The following PBLD variants were observed in gnomAD, a reference collection of about 807,000 sequenced individuals.
PBLD encodes the protein phenazine biosynthesis like protein domain containing.
PBLD carries 26 observed loss-of-function variants against 31.3 expected under a neutral mutation model. The observed-to-expected ratio is 0.83, with a 90% CI of 0.61 to 1.15. The LOEUF (loss-of-function observed/expected upper bound fraction) is 1.15, where lower values mean the gene tolerates loss of function less well. Ranked by LOEUF, PBLD falls within the 50% of genes most tolerant of loss-of-function variation. The pLI is 0.00. For synonymous variants in PBLD, 114 were observed against 129.0 expected, an observed-to-expected ratio of 0.88 and a Z score of 0.79; for missense variants, 307 against 351.7, an observed-to-expected ratio of 0.87 and a Z score of 1.02.
At chr10:68,297,091 TAC>T (rs1447601344) in intron 2 of PBLD, 106 bp from the exon 3 acceptor site, 2 of 866,720 alleles carry the variant, frequency 2.3e-6, no homozygotes, top group Admixed American at 4.3e-5. Flanking sequence ...TAATAAGAGT[TAC>T]ACGCTTAAAA....
At chr10:68,306,924 A>G in intron 1 of PBLD, 21 bp from the exon 2 acceptor site, 1 of 1,149,608 alleles carries the variant, frequency 8.7e-7, no homozygotes, top group Non-Finnish European at 1.3e-6. Context: ...AAGGAAATCA[A>G]AAAGTTAATG....
chr10:68,328,325 A>C (rs926585535), intron 1 of PBLD, among the ~76,000 whole-genome samples: 4 of 152,182 alleles, frequency 2.6e-5, no homozygotes, highest in African/African-American at 9.7e-5. Context: ...ATATGTGAAC[A>C]AATATCTTAA....
At chr10:68,332,604 A>AG (rs1178597262) in intron 1 of PBLD, among the ~76,000 whole-genome samples, 180 bp downstream of exon 1, 2 of 151,616 alleles carry the variant, frequency 1.3e-5, no homozygotes, top group Non-Finnish European at 2.9e-5. Flanking sequence ...AGGCCAGGGG[A>AG]GGGGGTGGTC....
At chr10:68,290,096 G>A (rs1448552754) in intron 6 of PBLD, among the ~76,000 whole-genome samples, 8 of 152,144 alleles carry the variant, frequency 5.3e-5, no homozygotes, top group African/African-American at 1.9e-4. Context: ...GGGATTATGA[G>A]GAGACAACCC....
At chr10:68,313,427 T>C (rs1318004076) in intron 1 of PBLD, among the ~76,000 whole-genome samples, 1 of 152,226 alleles carries the variant, frequency 6.6e-6, no homozygotes, top group African/African-American at 2.4e-5. Flanking sequence ...TATAGATCTA[T>C]TCAAATACGA....
intron 1 of PBLD, chr10:68,331,278 A>G (rs1345287704): frequency 6.6e-6 from 1 of 152,234 alleles, no homozygotes; most frequent in Non-Finnish European, 1.5e-5. Flanking sequence ...TCAACAACGC[A>G]AAACTATAAA....
chr10:68,298,069 C>T (rs2044454921), intron 2 of PBLD, among the ~76,000 whole-genome samples: 2 of 150,172 alleles, frequency 1.3e-5, no homozygotes, highest in African/African-American at 4.9e-5. Flanking sequence ...AGTTCAAGAC[C>T]ACCCCCCAGT....
At chr10:68,322,266 T>A (rs2044846161) in intron 1 of PBLD, among the ~76,000 whole-genome samples, 1 of 152,030 alleles carries the variant, frequency 6.6e-6, no homozygotes, top group Non-Finnish European at 1.5e-5. Flanking sequence ...GGAGACATGA[T>A]GACTAATGTA....
At chr10:68,326,000 C>A (rs2044913322) in intron 1 of PBLD, among the ~76,000 whole-genome samples, 1 of 151,714 alleles carries the variant, frequency 6.6e-6, no homozygotes, top group South Asian at 2.1e-4. Flanking sequence ...GGGACAGGTT[C>A]ACTTTATGTA....
chr10:68,312,974 G>A (rs1028068273), intron 1 of PBLD, among the ~76,000 whole-genome samples: 1 of 151,948 alleles, frequency 6.6e-6, no homozygotes, highest in African/African-American at 2.4e-5. Flanking sequence ...GTGGTGGTGC[G>A]ATCAATCACA....
At chr10:68,307,187 G>A (rs1156638576) in intron 1 of PBLD, among the ~76,000 whole-genome samples, 2 of 151,810 alleles carry the variant, frequency 1.3e-5, no homozygotes, top group Admixed American at 6.6e-5. Context: ...CTGCCACCAC[G>A]CCTGGCTAAT....
intron 6 of PBLD, among the ~76,000 whole-genome samples, chr10:68,289,863 A>T (rs903703506): frequency 4.6e-5 from 7 of 152,002 alleles, no homozygotes; most frequent in African/African-American, 1.2e-4. Flanking sequence ...CACGGCAAGC[A>T]CTCAGGGCTA....
In PBLD at chr10:68,284,217, C is replaced by T. The variant is rs2044259494; in HGVS notation, c.827G>A (p.Gly276Glu). 1 of 1,614,134 alleles carries T rather than the reference C, an allele frequency of 6.2e-7. No homozygotes were observed. Among genetic ancestry groups the T allele is most frequent in the Non-Finnish European group, 8.5e-7 (1 of 1,180,008 alleles). The stretch of plus-strand genomic sequence containing the variant: ...GCCCTCTAAAACAACAGCTGCACCT[C>T]CTCTAATGTCAACCCTTCCGTCTGG... Reference protein sequence around the residue: ...LRPDGRVDIRGGAAVVLEGTL... With the variant: ...LRPDGRVDIREGAAVVLEGTL... Residue 276 changes from glycine to glutamate, a missense_variant, in exon 10 of 10, where the codon GGA becomes GAA. By Grantham distance (98) the Gly-to-Glu change is moderately conservative. Transcript: ENST00000358769.
rs764728853 is a variant in PBLD at position 68,289,069 on chromosome 10, C to T, written c.424-50G>A. On this transcript the variant is annotated intron_variant, in intron 6 of 9. Transcript: ENST00000358769. ...TCAGGGACATGCCCTGGGCCAAGTC[C>T]TTGATCCCCTGAAATGGGAAATGAC... 4 of 1,412,666 alleles carry T rather than the reference C, an allele frequency of 2.8e-6. No individual in the cohort carries two copies. In the South Asian group the frequency reaches 3.5e-5, roughly 12 times the overall value. The allele number at this position is 1,412,666 out of a possible 1,614,324, so 87.5% of individuals were successfully genotyped here.
intron 1 of PBLD, among the ~76,000 whole-genome samples, chr10:68,314,900 C>T (rs1051185634): frequency 1.3e-5 from 2 of 152,130 alleles, no homozygotes; most frequent in Non-Finnish European, 2.9e-5. Flanking sequence ...AGCGATTTTT[C>T]TGCCTCAGCC....
chr10:68,307,777 G>A (rs924180647), intron 1 of PBLD, among the ~76,000 whole-genome samples: 1 of 152,120 alleles, frequency 6.6e-6, no homozygotes, highest in East Asian at 1.9e-4. Context: ...GGGATTACAG[G>A]CATGAGCCAC....
intron 1 of PBLD, among the ~76,000 whole-genome samples, chr10:68,309,422 A>C (rs997172771): frequency 7.2e-6 from 1 of 139,126 alleles, no homozygotes; most frequent in African/African-American, 2.6e-5. Flanking sequence ...AAAAAAAAAA[A>C]AAAAGAACCC....
rs1476928200 is a variant in PBLD at position 68,324,324 on chromosome 10, G to C, written c.-60+8460C>G. On this transcript the variant is annotated intron_variant, in intron 1 of 9. Transcript: ENST00000358769. ...CTCAAGTAGCTGGGACTACAGGTGC[G>C]CGCCACCATGCCCAGCTAATTTTTG... Among the ~76,000 whole-genome samples the C allele has an allele frequency of 4.6e-5, 7 of 151,876 alleles. No homozygotes were observed. In the South Asian group the frequency reaches 1.2e-3, roughly 27 times the overall value.
chr10:68,306,677 G>T, intron 2 of PBLD, 84 bp downstream of exon 2: 1 of 1,272,554 alleles, frequency 7.9e-7, no homozygotes, highest in Non-Finnish European at 1.1e-6. Context: ...TAAACAAACA[G>T]GTGAAACTAG....
Sources: gnomAD v4.1 joint callset for allele counts (sites outside exome capture counted in the v4.1 genomes callset) on GRCh38, gnomAD v4.1.1 for gene constraint, MANE v1.5 for transcripts, NCBI Gene and HGNC (gene_info 2026-07-23, HGNC 2026-07-21) for gene names.